The following BAIAP2L1 variants were observed in gnomAD, a reference collection of about 807,000 sequenced individuals.
BAIAP2L1 encodes the protein BAR/IMD domain-containing adapter protein 2-like 1.
In BAIAP2L1, 35 loss-of-function variants were observed where a neutral mutation model predicts 66.3. That is an observed-to-expected ratio of 0.53 (90% CI 0.40 to 0.70). The LOEUF is 0.70. Among genes scored for constraint, BAIAP2L1 ranks in the 30% least tolerant of loss-of-function variants. The pLI is 0.00. For synonymous variants in BAIAP2L1, 269 were observed against 248.7 expected (o/e 1.08, Z -0.77); for missense variants, 622 against 656.9 (o/e 0.95, Z 0.58).
chr7:98,350,637 C>T (rs1472330679), intron 3 of BAIAP2L1, among the ~76,000 whole-genome samples: 5 of 152,006 alleles, frequency 3.3e-5, no homozygotes, highest in African/African-American at 1.2e-4. Context: ...CCAGCCTGGG[C>T]GACAGAGCGA....
intron 1 of BAIAP2L1, among the ~76,000 whole-genome samples, chr7:98,384,150 G>A (rs1161332580): frequency 1.5e-4 from 19 of 127,906 alleles, no homozygotes; most frequent in Non-Finnish European, 2.5e-4. Flanking sequence ...GTGAAACTCC[G>A]TCTCAGAAAA....
chr7:98,387,526 C>T (rs1406228149), intron 1 of BAIAP2L1, among the ~76,000 whole-genome samples: 7 of 152,116 alleles, frequency 4.6e-5, no homozygotes, highest in Non-Finnish European at 8.8e-5. Context: ...ACACAAAATT[C>T]TTGAGTTCTT....
intron 12 of BAIAP2L1, among the ~76,000 whole-genome samples, chr7:98,300,091 T>C (rs1289421499): frequency 6.6e-6 from 1 of 152,220 alleles, no homozygotes; most frequent in African/African-American, 2.4e-5. Context: ...AGTTCCTTCG[T>C]TGCACCATCC....
At chr7:98,398,058 T>C (rs1414982641) in intron 1 of BAIAP2L1, among the ~76,000 whole-genome samples, 1 of 152,194 alleles carries the variant, frequency 6.6e-6, no homozygotes, top group African/African-American at 2.4e-5. Context: ...CTTTATTTCA[T>C]AATTGGAGAA....
In BAIAP2L1 at chr7:98,393,134, CACAT is replaced by C. The variant is rs1432076911; in HGVS notation, c.51+7664_51+7667del. Among the ~76,000 whole-genome samples the C allele has an allele frequency of 6.9e-4, 49 of 71,462 alleles. 1 individual carries two copies. The highest frequency in any genetic ancestry group is 1.8e-3 in the African/African-American group (35 of 19,790). The allele number at this position is 71,462 out of a possible 152,430, so 46.9% of individuals were successfully genotyped here. ...ATGTACACATATATGTATATATACA[CACAT>C]ATGTGTACATATATATGTACACATA... On this transcript the variant is annotated intron_variant, in intron 1 of 13. Transcript: ENST00000005260.
rs113548575 is a variant in BAIAP2L1 at position 98,302,655 on chromosome 7, T to A, written c.1422+1541A>T. Among the ~76,000 whole-genome samples the A allele has an allele frequency of 1.6e-4, 25 of 152,328 alleles. 1 individual carries two copies. The highest frequency in any genetic ancestry group is 6.0e-4 in the African/African-American group (25 of 41,570). ...ACACCCTCCAGGACAAATGACTGGT[T>A]CTTCTACAAAGAGACTGCTAAGGAC... On this transcript the variant is annotated intron_variant, in intron 12 of 13. Transcript: ENST00000005260.
At chr7:98,315,255 G>A (rs1443273855) in intron 7 of BAIAP2L1, among the ~76,000 whole-genome samples, 3 of 152,130 alleles carry the variant, frequency 2.0e-5, no homozygotes, top group African/African-American at 7.2e-5. Flanking sequence ...CTGAGTAGCT[G>A]GGACTACAGG....
chr7:98,355,091 C>T lies in BAIAP2L1; in HGVS notation c.165G>A (p.Val55=), dbSNP rs1486365762. ...ILAGKAYYDG[V]AKIGEIATGS... ...CAGTGGCAATCTCACCGATCTTGGC[C>T]ACTCCATCGTAGTAGGCTTTTCCTG... Residue 55 remains valine (V), a synonymous_variant, in exon 3 of 14, where the codon GTG becomes GTA. Transcript: ENST00000005260. 6.2e-7 allele frequency: 1 copy of T among 1,614,014 alleles called. No homozygotes were observed.
intron 3 of BAIAP2L1, among the ~76,000 whole-genome samples, chr7:98,341,386 C>T (rs964601334): frequency 1.8e-5 from 1 of 55,706 alleles, no homozygotes; most frequent in African/African-American, 4.7e-5. Flanking sequence ...AAAGTAAAGC[C>T]GTTAGAAAAG....
At chr7:98,350,931 A>G (rs1801986063) in intron 3 of BAIAP2L1, among the ~76,000 whole-genome samples, 1 of 152,038 alleles carries the variant, frequency 6.6e-6, no homozygotes, top group Admixed American at 6.6e-5. Context: ...ATCTTGGCTC[A>G]CTGCAAACTC....
intron 3 of BAIAP2L1, among the ~76,000 whole-genome samples, chr7:98,338,903 G>A (rs568411284): frequency 1.6e-4 from 25 of 151,804 alleles, no homozygotes; most frequent in South Asian, 1.0e-3. Context: ...GAGAAACACC[G>A]TCTCTACTAA....
chr7:98,352,558 C>T (rs1356175739), intron 3 of BAIAP2L1, among the ~76,000 whole-genome samples: 1 of 152,136 alleles, frequency 6.6e-6, no homozygotes, highest in Non-Finnish European at 1.5e-5. Flanking sequence ...ATGAGAATTG[C>T]TTGAACCCTG....
intron 1 of BAIAP2L1, among the ~76,000 whole-genome samples, chr7:98,380,092 T>C (rs1802720443): frequency 6.6e-6 from 1 of 152,026 alleles, no homozygotes; most frequent in Non-Finnish European, 1.5e-5. Context: ...TTTTTTTTTT[T>C]TGAGATAGGG....
At chr7:98,322,137 C>T (rs1801266545) in intron 3 of BAIAP2L1, among the ~76,000 whole-genome samples, 1 of 152,046 alleles carries the variant, frequency 6.6e-6, no homozygotes, top group African/African-American at 2.4e-5. Context: ...AACTGAGAGG[C>T]TGCAGGGGAG....
chr7:98,328,637 A>G (rs1483299244), intron 3 of BAIAP2L1, among the ~76,000 whole-genome samples: 1 of 150,856 alleles, frequency 6.6e-6, no homozygotes, highest in Non-Finnish European at 1.5e-5. Context: ...GCTTGAGCCC[A>G]GAAGTTGGAG....
chr7:98,332,756 C>T (rs981049352), intron 3 of BAIAP2L1, among the ~76,000 whole-genome samples: 1 of 144,556 alleles, frequency 6.9e-6, no homozygotes, highest in Non-Finnish European at 1.5e-5. Context: ...TTGCAGTGAG[C>T]CGAGATCACG....
intron 3 of BAIAP2L1, among the ~76,000 whole-genome samples, chr7:98,349,990 T>C (rs1427920019): frequency 1.3e-5 from 2 of 151,696 alleles, no homozygotes; most frequent in East Asian, 2.0e-4. Flanking sequence ...TGGTGGTGTA[T>C]GCATATGTCC....
intron 3 of BAIAP2L1, among the ~76,000 whole-genome samples, chr7:98,341,032 C>T (rs1485612762): frequency 6.8e-6 from 1 of 147,002 alleles, no homozygotes; most frequent in Non-Finnish European, 1.5e-5. Flanking sequence ...CTAGCTGAGA[C>T]CTTTCCTGTT....
intron 1 of BAIAP2L1, 68 bp downstream of exon 1, chr7:98,400,734 G>T: frequency 6.6e-7 from 1 of 1,513,304 alleles, no homozygotes; most frequent in Non-Finnish European, 9.0e-7. Flanking sequence ...ACCTTCCCGC[G>T]TAAAGTCCCC....
Sources: gnomAD v4.1 joint callset for allele counts (sites outside exome capture counted in the v4.1 genomes callset) on GRCh38, gnomAD v4.1.1 for gene constraint, MANE v1.5 for transcripts, NCBI Gene and HGNC (gene_info 2026-07-23, HGNC 2026-07-21) for gene names.